Variants in CDC42SE2 observed in about 807,000 individuals in gnomAD.
The protein encoded by CDC42SE2 is CDC42 small effector protein 2.
Under a neutral mutation model 11.5 loss-of-function variants are expected in CDC42SE2, and 3 were observed. That is an observed-to-expected ratio of 0.26 (90% CI 0.12 to 0.67). The LOEUF is 0.67. Ranked by LOEUF, CDC42SE2 falls within the 30% of genes least tolerant of loss-of-function variation. CDC42SE2 has a pLI of 0.80. For missense variants in CDC42SE2, 82 were observed against 106.8 expected (o/e 0.77, Z 1.02); for synonymous variants, 33 against 34.8 (o/e 0.95, Z 0.18).
upstream of CDC42SE2, among the ~76,000 whole-genome samples, chr5:131,242,143 C>T (rs905853835): frequency 6.6e-6 from 1 of 152,080 alleles, no homozygotes; most frequent in African/African-American, 2.4e-5. Flanking sequence ...ATTTACTTGC[C>T]GGTATGCATT....
At chr5:131,384,823 C>T (rs559280015) in intron 3 of CDC42SE2, among the ~76,000 whole-genome samples, 1 of 149,490 alleles carries the variant, frequency 6.7e-6, no homozygotes, top group African/African-American at 2.5e-5. Flanking sequence ...TGGTGCGTGC[C>T]TGTAATCCCA....
At chr5:131,331,841 T>C (rs932489854) in intron 2 of CDC42SE2, among the ~76,000 whole-genome samples, 24 of 152,232 alleles carry the variant, frequency 1.6e-4, no homozygotes, top group Non-Finnish European at 1.6e-4. Flanking sequence ...TTTCTATTAT[T>C]ACAGGCTCTT....
chr5:131,379,272 A>T (rs1373270739), intron 3 of CDC42SE2, among the ~76,000 whole-genome samples: 2 of 152,304 alleles, frequency 1.3e-5, no homozygotes, highest in East Asian at 3.9e-4. Flanking sequence ...CTCAGGCTGT[A>T]CCATCTTTTA....
At chr5:131,317,693 T>C (rs1758070044) in intron 2 of CDC42SE2, among the ~76,000 whole-genome samples, 1 of 152,118 alleles carries the variant, frequency 6.6e-6, no homozygotes, top group Non-Finnish European at 1.5e-5. Flanking sequence ...CTTGTTATTA[T>C]AATCTTGAAA....
In CDC42SE2 at chr5:131,301,311, A is replaced by C. The variant is rs139316916; in HGVS notation, c.-454-14665A>C. On this transcript the variant is annotated intron_variant, in intron 1 of 4. Transcript: ENST00000505065. ...CTATAGTTAATAACATATAGCTTCA[A>C]ATAGCTAAAAGGAGAATTATTGAAT... 2.0e-3 allele frequency among the ~76,000 whole-genome samples: 300 copies of C among 152,290 alleles called. 1 individual carries two copies. Among genetic ancestry groups the C allele is most frequent in the African/African-American group, 7.0e-3 (289 of 41,554 alleles).
At chr5:131,283,686 T>C (rs1032065890) in intron 1 of CDC42SE2, among the ~76,000 whole-genome samples, 54 of 151,920 alleles carry the variant, frequency 3.6e-4, no homozygotes, top group African/African-American at 1.3e-3. Flanking sequence ...GGAGACGAGG[T>C]TTCTCCATGT....
intron 1 of CDC42SE2, among the ~76,000 whole-genome samples, chr5:131,283,325 T>G (rs1225797510): frequency 6.6e-6 from 1 of 152,174 alleles, no homozygotes; most frequent in Non-Finnish European, 1.5e-5. Flanking sequence ...TTTCTGTTCT[T>G]CCCTCCCCAC....
the CDC42SE2 span, among the ~76,000 whole-genome samples, chr5:131,218,778 G>A: frequency 6.6e-6 from 1 of 152,188 alleles, no homozygotes; most frequent in African/African-American, 2.4e-5. Flanking sequence ...ATGGGGACAG[G>A]AGGGGGATCC....
At position 131,394,011 on chromosome 5, in the gene CDC42SE2, A is replaced by G. The variant is rs1444760992; in HGVS notation, c.*2920A>G. On this transcript the variant is annotated 3_prime_UTR_variant, in exon 5 of 5. Transcript: ENST00000505065. The stretch of plus-strand genomic sequence containing the variant: ...CCTGGGAGGTGCCAATAAAATCAAG[A>G]AATAAGAAAACTACAAAAAAAGATA... 1 of 152,204 alleles carries G rather than the reference A, an allele frequency of 6.6e-6. No homozygotes were observed. The highest frequency in any genetic ancestry group is 1.9e-4 in the East Asian group (1 of 5,330). The allele number at this position is 152,204 out of a possible 1,614,324, so 9.4% of individuals were successfully genotyped here. A position where few individuals can be genotyped will look rare whatever the true frequency, so the allele number is the denominator to read the frequency against.
At chr5:131,308,432 T>A (rs1052981842) in intron 1 of CDC42SE2, among the ~76,000 whole-genome samples, 8 of 152,178 alleles carry the variant, frequency 5.3e-5, no homozygotes, top group African/African-American at 1.7e-4. Flanking sequence ...ATGCAGGCTC[T>A]TTTTTGGTTC....
chr5:131,326,278 T>C (rs558895257), intron 2 of CDC42SE2, among the ~76,000 whole-genome samples: 342 of 152,280 alleles, frequency 2.2e-3, no homozygotes, highest in African/African-American at 5.4e-3. Flanking sequence ...TAATTTTTTG[T>C]ATTTTTAATA....
At chr5:131,308,866 A>G (rs1442627763) in intron 1 of CDC42SE2, among the ~76,000 whole-genome samples, 2 of 152,158 alleles carry the variant, frequency 1.3e-5, no homozygotes, top group Non-Finnish European at 2.9e-5. Flanking sequence ...GGGGTTTTCT[A>G]GCTATACAAT....
At chr5:131,252,473 G>A (rs1008602215) in intron 1 of CDC42SE2, among the ~76,000 whole-genome samples, 2 of 152,176 alleles carry the variant, frequency 1.3e-5, no homozygotes, top group Non-Finnish European at 1.5e-5. Context: ...GGCCTACATG[G>A]TGAAACCCCG....
Position 131,254,299 on chromosome 5 carries a change from T to G in CDC42SE2, n.108-796T>G, listed in dbSNP as rs538478290. Reference sequence around the variant, plus strand: ...GCTCACTCTTGTAATCCCAGCACTTTGGGAGCCTGACGCGGGTGGATCACT... The same window carrying G: ...GCTCACTCTTGTAATCCCAGCACTTGGGGAGCCTGACGCGGGTGGATCACT... On this transcript the variant is annotated intron_variant and non_coding_transcript_variant, in intron 1 of 3. Transcript: ENST00000502840. 2.1e-3 allele frequency among the ~76,000 whole-genome samples: 325 copies of G among 152,228 alleles called. 1 individual carries two copies. Among genetic ancestry groups the G allele is most frequent in the Non-Finnish European group, 3.8e-3 (259 of 68,024 alleles).
At chr5:131,342,840 G>A (rs1758745689) in intron 2 of CDC42SE2, among the ~76,000 whole-genome samples, 1 of 151,962 alleles carries the variant, frequency 6.6e-6, no homozygotes. Flanking sequence ...AGCTTCCCAA[G>A]TAGCTGGGAC....
At chr5:131,325,617 C>G (rs1015918516) in intron 2 of CDC42SE2, among the ~76,000 whole-genome samples, 2 of 152,004 alleles carry the variant, frequency 1.3e-5, no homozygotes, top group Non-Finnish European at 2.9e-5. Context: ...AACAAAACAG[C>G]TGATGTAGTT....
At chr5:131,295,206 C>T (rs1324093640) in intron 1 of CDC42SE2, among the ~76,000 whole-genome samples, 3 of 151,110 alleles carry the variant, frequency 2.0e-5, no homozygotes, top group African/African-American at 7.3e-5. Context: ...TCACTTGAAC[C>T]CAGGAGGTGG....
chr5:131,210,899 C>T, the CDC42SE2 span, among the ~76,000 whole-genome samples: 5 of 152,162 alleles, frequency 3.3e-5, no homozygotes, highest in African/African-American at 9.7e-5. Flanking sequence ...AGTGCAGAGG[C>T]GGGATCTCAG....
intron 3 of CDC42SE2, among the ~76,000 whole-genome samples, chr5:131,373,614 G>A (rs1246838455): frequency 1.3e-5 from 2 of 152,170 alleles, no homozygotes; most frequent in South Asian, 2.1e-4. Flanking sequence ...ACTAAGCCTC[G>A]TTTGGATGGC....
Sources: gnomAD v4.1 joint callset for allele counts (sites outside exome capture counted in the v4.1 genomes callset) on GRCh38, gnomAD v4.1.1 for gene constraint, MANE v1.5 for transcripts, NCBI Gene and HGNC (gene_info 2026-07-23, HGNC 2026-07-21) for gene names.